Variants in EPHB1 observed in about 807,000 individuals in gnomAD.
EPHB1 encodes ephrin type-B receptor 1.
A neutral mutation model predicts 94.4 loss-of-function variants in EPHB1; 30 were observed. The ratio of observed to expected loss-of-function variants is 0.32; its 90% confidence interval spans 0.24 to 0.43. The LOEUF is 0.43. Among genes scored for constraint, EPHB1 ranks in the 20% least tolerant of loss-of-function variants. The probability of loss-of-function intolerance (pLI) is 1.00; values close to 1 mark genes in which losing one functional copy is unlikely to be tolerated. For synonymous variants in EPHB1, 522 were observed against 489.1 expected, an observed-to-expected ratio of 1.07 and a Z score of -0.89; for missense variants, 1,055 against 1,308.3, an observed-to-expected ratio of 0.81 and a Z score of 2.99.
At chr3:135,168,564 C>A (rs1289448364) in intron 9 of EPHB1, among the ~76,000 whole-genome samples, 1 of 152,206 alleles carries the variant, frequency 6.6e-6, no homozygotes, top group Non-Finnish European at 1.5e-5. Flanking sequence ...CCTTCCCCAA[C>A]TGGAAAACAG....
At chr3:135,104,075 CA>C (rs1939120977) in intron 3 of EPHB1, among the ~76,000 whole-genome samples, 2 of 152,184 alleles carry the variant, frequency 1.3e-5, no homozygotes, top group African/African-American at 2.4e-5. Context: ...TGGCAGGGGC[CA>C]AATATGAATG....
intron 12 of EPHB1, among the ~76,000 whole-genome samples, chr3:135,236,518 A>G (rs1340767302): frequency 1.3e-5 from 2 of 152,200 alleles, no homozygotes; most frequent in Non-Finnish European, 2.9e-5. Context: ...TTTAATGATA[A>G]TAAGAATATA....
At chr3:135,124,852 C>G (rs933407836) in intron 4 of EPHB1, among the ~76,000 whole-genome samples, 3 of 151,570 alleles carry the variant, frequency 2.0e-5, no homozygotes, top group Admixed American at 6.6e-5. Flanking sequence ...GTGAGATATC[C>G]TACACTTTGA....
intron 3 of EPHB1, among the ~76,000 whole-genome samples, chr3:135,097,107 A>G (rs1361135733): frequency 6.7e-6 from 1 of 149,960 alleles, no homozygotes; most frequent in Non-Finnish European, 1.5e-5. Flanking sequence ...AAAAAAAAAA[A>G]AAAAAAAAGA....
intron 3 of EPHB1, among the ~76,000 whole-genome samples, chr3:134,973,185 C>A (rs1262266911): frequency 6.6e-6 from 1 of 152,158 alleles, no homozygotes; most frequent in Non-Finnish European, 1.5e-5. Flanking sequence ...GGTGTGCAGC[C>A]CTTTCCAAGG....
chr3:135,100,877 G>A (rs1307991830), intron 3 of EPHB1, among the ~76,000 whole-genome samples: 2 of 152,104 alleles, frequency 1.3e-5, no homozygotes, highest in African/African-American at 2.4e-5. Context: ...ATATATACAC[G>A]TTTAGGCATG....
intron 3 of EPHB1, among the ~76,000 whole-genome samples, chr3:135,030,768 T>G (rs368534410): frequency 2.0e-3 from 302 of 152,322 alleles, no homozygotes; most frequent in African/African-American, 6.7e-3. Flanking sequence ...CAAGCTTCCC[T>G]GCTGCTTTGT....
chr3:135,142,899 G>C (rs544568881), intron 5 of EPHB1, among the ~76,000 whole-genome samples: 2 of 152,186 alleles, frequency 1.3e-5, no homozygotes, highest in African/African-American at 2.4e-5. Context: ...GAGAGTGGTG[G>C]TCTAGCCAAA....
chr3:134,894,110 G>A (rs2038041091), intron 1 of EPHB1, among the ~76,000 whole-genome samples: 1 of 152,156 alleles, frequency 6.6e-6, no homozygotes, highest in South Asian at 2.1e-4. Flanking sequence ...ACCAAAGCAG[G>A]GATTCTAAGC....
rs116682935 is a variant in EPHB1, at chr3:134,801,316, G to A, written c.58+5627G>A. On this transcript the variant is annotated intron_variant, in intron 1 of 15. Coordinates refer to ENST00000398015, the MANE Select transcript of EPHB1 (RefSeq NM_004441.5). Reference sequence around the variant, plus strand: ...CTTTCTAGTAAGGACTGGTATATTCGTTCCTCTCTCTGCCCTGACCAGCCC... The same window carrying A: ...CTTTCTAGTAAGGACTGGTATATTCATTCCTCTCTCTGCCCTGACCAGCCC... Among the ~76,000 whole-genome samples, 739 of 152,218 alleles carry A rather than the reference G, an allele frequency of 4.9e-3. 4 individuals are homozygous for A. Among genetic ancestry groups the A allele is most frequent in the African/African-American group, 0.017 (695 of 41,524 alleles).
At chr3:135,147,854 G>A (rs902599596) in intron 5 of EPHB1, among the ~76,000 whole-genome samples, 1 of 152,160 alleles carries the variant, frequency 6.6e-6, no homozygotes, top group African/African-American at 2.4e-5. Context: ...CTCAAACAAG[G>A]CTGTCCCCGT....
chr3:135,250,814 T>C (rs757068717), intron 15 of EPHB1, among the ~76,000 whole-genome samples: 1 of 152,144 alleles, frequency 6.6e-6, no homozygotes, highest in Non-Finnish European at 1.5e-5. Context: ...ACATTTCTTA[T>C]GGTAGAAGAT....
intron 3 of EPHB1, among the ~76,000 whole-genome samples, chr3:135,040,497 T>C (rs1041485384): frequency 6.6e-6 from 1 of 152,174 alleles, no homozygotes; most frequent in Non-Finnish European, 1.5e-5. Flanking sequence ...GGGGGGCATT[T>C]GGTAAAACAG....
intron 1 of EPHB1, among the ~76,000 whole-genome samples, chr3:134,806,810 A>T (rs1314717558): frequency 6.6e-6 from 1 of 152,140 alleles, no homozygotes; most frequent in African/African-American, 2.4e-5. Flanking sequence ...CATACATCCT[A>T]TTGGGGGAAC....
intron 4 of EPHB1, among the ~76,000 whole-genome samples, chr3:135,127,513 C>T (rs1257976268): frequency 6.6e-6 from 1 of 152,090 alleles, no homozygotes; most frequent in African/African-American, 2.4e-5. Context: ...TGAGCTAGAC[C>T]CGACCTGCTT....
At chr3:135,209,792 A>T (rs1942990531) in intron 12 of EPHB1, among the ~76,000 whole-genome samples, 1 of 152,190 alleles carries the variant, frequency 6.6e-6, no homozygotes, top group African/African-American at 2.4e-5. Context: ...AAATATATAT[A>T]TTTTTAAATT....
intron 3 of EPHB1, among the ~76,000 whole-genome samples, chr3:134,967,684 C>T (rs2107725244): frequency 6.6e-6 from 1 of 152,304 alleles, no homozygotes; most frequent in East Asian, 1.9e-4. Context: ...TCCCAGCCTT[C>T]AGAACTGTAA....
At chr3:135,158,238 C>G (rs1941411081) in intron 6 of EPHB1, among the ~76,000 whole-genome samples, 1 of 150,668 alleles carries the variant, frequency 6.6e-6, no homozygotes, top group African/African-American at 2.5e-5. Context: ...TCCAAAGAAG[C>G]AAACCCCATT....
chr3:135,022,367 A>G (rs533771181), intron 3 of EPHB1, among the ~76,000 whole-genome samples: 2 of 152,326 alleles, frequency 1.3e-5, no homozygotes, highest in South Asian at 4.1e-4. Context: ...ACATTTTGGT[A>G]TAAGATTTTT....
Sources: gnomAD v4.1 joint callset for allele counts (sites outside exome capture counted in the v4.1 genomes callset) on GRCh38, gnomAD v4.1.1 for gene constraint, MANE v1.5 for transcripts, NCBI Gene and HGNC (gene_info 2026-07-23, HGNC 2026-07-21) for gene names.